KLHL14: variants seen among roughly 807,000 people sequenced by gnomAD.
The protein encoded by KLHL14 is kelch like family member 14.
A neutral mutation model predicts 64.3 loss-of-function variants in KLHL14; 22 were observed. That is an observed-to-expected ratio of 0.34 (90% CI 0.24 to 0.49). KLHL14 has a LOEUF of 0.49. Ranked by LOEUF, KLHL14 falls within the 20% of genes least tolerant of loss-of-function variation. The pLI is 0.99. For synonymous variants in KLHL14, 322 were observed against 333.4 expected (o/e 0.97, Z 0.37); for missense variants, 661 against 789.0 (o/e 0.84, Z 1.94).
intron 3 of KLHL14, among the ~76,000 whole-genome samples, chr18:32,719,218 G>A (rs1369278888): frequency 6.6e-6 from 1 of 152,226 alleles, no homozygotes; most frequent in Non-Finnish European, 1.5e-5. Context: ...AAAGCACTGG[G>A]ATTATAGGCG....
intron 5 of KLHL14, among the ~76,000 whole-genome samples, chr18:32,686,498 T>G (rs2049879868): frequency 6.6e-6 from 1 of 152,174 alleles, no homozygotes; most frequent in Non-Finnish European, 1.5e-5. Flanking sequence ...CATCTTGTCC[T>G]TTGGTAGCCA....
In KLHL14 at chr18:32,673,343, C is replaced by T. The variant is rs1263156288; in HGVS notation, c.*1314G>A. On this transcript the variant is annotated 3_prime_UTR_variant, in exon 9 of 9. Coordinates refer to ENST00000359358, the MANE Select transcript of KLHL14 (RefSeq NM_020805.3). Reference sequence around the variant, plus strand: ...CTGGATGGTTAAAATATATTTTAGGCTTTTATTTACTCCTAAAGTTGTTGT... The same window carrying T: ...CTGGATGGTTAAAATATATTTTAGGTTTTTATTTACTCCTAAAGTTGTTGT... 6.6e-6 allele frequency: 1 copy of T among 152,116 alleles called. No homozygotes were observed. 9.4% of individuals were successfully genotyped at this position (152,116 alleles called of 1,614,324 possible). A position where few individuals can be genotyped will look rare whatever the true frequency, so the allele number is the denominator to read the frequency against.
chr18:32,739,627 C>T (rs2050184711), intron 3 of KLHL14, among the ~76,000 whole-genome samples: 1 of 146,770 alleles, frequency 6.8e-6, no homozygotes, highest in Non-Finnish European at 1.5e-5. Flanking sequence ...AATATGTTCC[C>T]ATTATAAGAA....
At chr18:32,756,650 G>GA (rs2050283638) in intron 2 of KLHL14, among the ~76,000 whole-genome samples, 1 of 152,060 alleles carries the variant, frequency 6.6e-6, no homozygotes. Context: ...CTTAACCCTG[G>GA]AAAAATCCCA....
chr18:32,700,580 T>C (rs911009906), intron 3 of KLHL14, among the ~76,000 whole-genome samples: 2 of 152,278 alleles, frequency 1.3e-5, no homozygotes, highest in African/African-American at 4.8e-5. Context: ...TCTTGCTTTT[T>C]AGCACTTAAT....
chr18:32,687,068 G>A (rs1440768294), intron 5 of KLHL14, 87 bp downstream of exon 5: 1 of 1,080,354 alleles, frequency 9.3e-7, no homozygotes, highest in Non-Finnish European at 1.4e-6. Context: ...ACTCTATTTA[G>A]CATTCCTTCT....
intron 3 of KLHL14, among the ~76,000 whole-genome samples, chr18:32,713,745 T>A (rs191910877): frequency 3.3e-5 from 5 of 152,316 alleles, no homozygotes. Flanking sequence ...TCATTAATAG[T>A]TTTTAATAGT....
intron 2 of KLHL14, among the ~76,000 whole-genome samples, chr18:32,749,717 T>G (rs1212154982): frequency 6.6e-6 from 1 of 152,280 alleles, no homozygotes; most frequent in South Asian, 2.1e-4. Flanking sequence ...TTTACTAAAC[T>G]TATGATAGCT....
At position 32,770,322 on chromosome 18, in the gene KLHL14, C is replaced by T. The variant is rs1384098603; in HGVS notation, c.270G>A (p.Gln90=). 1 of 1,585,626 alleles carries T rather than the reference C, an allele frequency of 6.3e-7. No homozygotes were observed. The highest frequency in any genetic ancestry group is 8.6e-7 in the Non-Finnish European group (1 of 1,166,234). Residue 90 remains glutamine (Q), a synonymous_variant, in exon 2 of 9, where the codon CAG becomes CAA. Coordinates refer to ENST00000359358, the MANE Select transcript of KLHL14 (RefSeq NM_020805.3). The surrounding 1 kb of genome is among the most constrained non-coding windows in gnomAD (Gnocchi z 6.7). ...APKDQQQPPQ[Q]QPSQQQQPPP... The stretch of plus-strand genomic sequence containing the variant: ...GCGGCTGCTGCTGCTGTGACGGCTG[C>T]TGCTGCGGCGGCTGCTGCTGGTCCT...
intron 2 of KLHL14, among the ~76,000 whole-genome samples, chr18:32,759,549 G>A (rs2050302937): frequency 6.6e-6 from 1 of 152,098 alleles, no homozygotes; most frequent in Admixed American, 6.5e-5. Flanking sequence ...ACATTTTATG[G>A]GTAAGGCGTC....
chr18:32,678,351 AAAAT>A (rs1478621874), intron 7 of KLHL14, among the ~76,000 whole-genome samples: 4 of 152,178 alleles, frequency 2.6e-5, no homozygotes, highest in Non-Finnish European at 4.4e-5. Flanking sequence ...TGGATTCTTT[AAAAT>A]AATTGAGAAG....
In KLHL14 at chr18:32,756,942, GA is replaced by G. The variant is rs2050285285; in HGVS notation, c.947+12702del. Among the ~76,000 whole-genome samples the G allele has an allele frequency of 2.0e-5, 3 of 152,126 alleles. No individual in the cohort carries two copies. The South Asian group carries it at 6.2e-4, about 32-fold the overall frequency. ...GTTGAAAATGCATTCTACAACCTGT[GA>G]AATTATCACATACTTTTGATAATAC... is the stretch of plus-strand genomic sequence containing the variant. On this transcript the variant is annotated intron_variant, in intron 2 of 8. Transcript: ENST00000359358.
intron 4 of KLHL14, among the ~76,000 whole-genome samples, chr18:32,689,811 T>G (rs964465896): frequency 6.6e-6 from 1 of 152,120 alleles, no homozygotes; most frequent in African/African-American, 2.4e-5. Context: ...AATGAAGGGT[T>G]TATCTTCTGA....
chr18:32,741,798 T>C (rs1013563670), intron 3 of KLHL14, 130 bp downstream of exon 3: 1 of 1,141,510 alleles, frequency 8.8e-7, no homozygotes, highest in Non-Finnish European at 1.2e-6. Flanking sequence ...CGGTGATACA[T>C]AAACAAACCT....
intron 3 of KLHL14, among the ~76,000 whole-genome samples, chr18:32,740,294 G>A (rs1233870623): frequency 6.6e-6 from 1 of 152,162 alleles, no homozygotes; most frequent in African/African-American, 2.4e-5. Context: ...CTATCTTTGA[G>A]CAAGGTTTAA....
At chr18:32,700,358 C>T (rs1159852714) in intron 3 of KLHL14, among the ~76,000 whole-genome samples, 1 of 151,994 alleles carries the variant, frequency 6.6e-6, no homozygotes, top group Non-Finnish European at 1.5e-5. Flanking sequence ...ATAATTAATG[C>T]CCATGGTAAA....
intron 2 of KLHL14, among the ~76,000 whole-genome samples, chr18:32,766,373 T>C (rs1242491196): frequency 6.6e-6 from 1 of 152,078 alleles, no homozygotes; most frequent in Non-Finnish European, 1.5e-5. Context: ...CTGCATATCA[T>C]GTCGCTTTAT....
intron 2 of KLHL14, among the ~76,000 whole-genome samples, chr18:32,742,541 A>G (rs1032623434): frequency 6.6e-6 from 1 of 152,216 alleles, no homozygotes; most frequent in African/African-American, 2.4e-5. Flanking sequence ...GTTTGGTACA[A>G]TTAGTAGCAC....
intron 3 of KLHL14, chr18:32,733,767 T>A (rs2050148533): frequency 6.0e-6 from 1 of 165,964 alleles, no homozygotes; most frequent in East Asian, 1.6e-4. Flanking sequence ...AAAAAAATAA[T>A]GAACAGAATT....
Sources: gnomAD v4.1 joint callset for allele counts (sites outside exome capture counted in the v4.1 genomes callset) on GRCh38, gnomAD v4.1.1 for gene constraint, Gnocchi (gnomAD v3.1) non-coding constraint, MANE v1.5 for transcripts, NCBI Gene and HGNC (gene_info 2026-07-23, HGNC 2026-07-21) for gene names.